Variants in BRCA2 observed in about 807,000 individuals in gnomAD.
The protein encoded by BRCA2 is BRCA2 DNA repair associated.
A neutral mutation model predicts 276.7 loss-of-function variants in BRCA2; 203 were observed. The ratio of observed to expected loss-of-function variants is 0.73; its 90% CI spans 0.65 to 0.82. The LOEUF is 0.82. Ranked by LOEUF, BRCA2 falls within the 40% of genes least tolerant of loss-of-function variation. BRCA2 has a pLI of 0.00. For synonymous variants in BRCA2, 1,289 were observed against 1,338.4 expected, an observed-to-expected ratio of 0.96 and a Z score of 0.81; for missense variants, 3,920 against 3,915.0, an observed-to-expected ratio of 1.00 and a Z score of -0.03.
chr13:32,379,219 AT>A (rs1244539152), intron 21 of BRCA2, 97 bp from the exon 22 acceptor site: 1 of 1,138,496 alleles, frequency 8.8e-7, no homozygotes, highest in Non-Finnish European at 1.3e-6. Flanking sequence ...ATGAGCTCTA[AT>A]TTTGTTGTAT....
intron 14 of BRCA2, 90 bp downstream of exon 14, chr13:32,355,378 G>T (rs2072686274): frequency 6.9e-7 from 1 of 1,439,136 alleles, no homozygotes; most frequent in Middle Eastern, 2.1e-4. Context: ...TCCCCCTTTG[G>T]TGGTGGTAAT....
intron 10 of BRCA2, among the ~76,000 whole-genome samples, chr13:32,333,910 T>G (rs940108809): frequency 3.3e-5 from 5 of 152,224 alleles, no homozygotes; most frequent in Non-Finnish European, 5.9e-5. Flanking sequence ...CTTAGGATAA[T>G]GGCTTCCAGC....
intron 24 of BRCA2, among the ~76,000 whole-genome samples, chr13:32,391,584 T>A (rs2072997397): frequency 6.6e-6 from 1 of 152,256 alleles, no homozygotes; most frequent in African/African-American, 2.4e-5. Context: ...TGGCATCCAC[T>A]CCAGGTGGAA....
intron 7 of BRCA2, among the ~76,000 whole-genome samples, chr13:32,328,487 T>C (rs2072366166): frequency 6.6e-6 from 1 of 152,036 alleles, no homozygotes; most frequent in African/African-American, 2.4e-5. Context: ...AGTGATTCGT[T>C]TGTCTCAGCC....
At chr13:32,379,270 T>A in intron 21 of BRCA2, 47 bp from the exon 22 acceptor site, 1 of 1,602,014 alleles carries the variant, frequency 6.2e-7, no homozygotes, top group Non-Finnish European at 8.5e-7. Context: ...TAGATGGAAC[T>A]TTTTTGTTCT....
rs1280188943 is a variant in BRCA2, at chr13:32,336,281, T to C, written c.1926T>C (p.Ser642=). The C allele has an allele frequency of 1.2e-6, 2 of 1,603,422 alleles. No individual in the cohort carries two copies. Among genetic ancestry groups the C allele is most frequent in the South Asian group, 2.2e-5 (2 of 88,894 alleles). The change falls in exon 11 of 27, where the codon TCT becomes TCC. Residue 642 remains serine, a synonymous_variant. Coordinates refer to ENST00000380152, the MANE Select transcript of BRCA2 (RefSeq NM_000059.4). The part of the protein sequence containing the change: ...ANADSGLLHS[S]VKRSCSQNDS... ...TATGTTTAGGTTTATTGCATTCTTC[T>C]GTGAAAAGAAGCTGTTCACAGAATG... is the stretch of plus-strand genomic sequence containing the variant.
intron 4 of BRCA2, among the ~76,000 whole-genome samples, chr13:32,325,697 T>C (rs113163937): frequency 3.3e-5 from 5 of 151,936 alleles, no homozygotes; most frequent in East Asian, 1.9e-4. Context: ...CCCGCCACCA[T>C]GCCCGGCTAA....
In BRCA2 at chr13:32,370,447, G is replaced by A. The variant is rs80359082; in HGVS notation, c.8377G>A (p.Gly2793Arg). The A allele has an allele frequency of 1.2e-6, 2 of 1,613,808 alleles. No individual in the cohort carries two copies. Among genetic ancestry groups the A allele is most frequent in the Admixed American group, 3.3e-5 (2 of 59,978 alleles). Residue 2793 changes from glycine to arginine, a missense_variant, in exon 19 of 27, where the codon GGA becomes AGA. By Grantham distance (125) the Gly-to-Arg change is moderately radical. This residue lies in a region of BRCA2 where 657 missense variants were observed against 758.2 expected (regional missense o/e 0.87). Transcript: ENST00000380152. ...GCCTGCTCGCTGGTATACCAAACTT[G>A]GATTCTTTCCTGACCCTAGACCTTT... ...TRPARWYTKL[G>R]FFPDPRPFPL...
In BRCA2 at chr13:32,337,379, C is replaced by A. The variant is rs2137492335; in HGVS notation, c.3024C>A (p.Ser1008Arg). Residue 1008 changes from serine (S) to arginine (R), a missense_variant, in exon 11 of 27, where the codon AGC (serine) becomes AGA (arginine). By Grantham distance (110) the Ser-to-Arg change is moderately radical (BLOSUM62 -1). Around this residue, in one of 2 missense-constraint regions of BRCA2, gnomAD observed 3,263 missense variants for 3,156.9 expected, o/e 1.03. Transcript: ENST00000380152. ...TTTCAAATCACAGTTTTGGAGGTAG[C>A]TTCAGAACAGCTTCAAATAAGGAAA... ...GPISNHSFGG[S>R]FRTASNKEIK... The A allele has an allele frequency of 6.2e-7, 1 of 1,613,832 alleles. No individual in the cohort carries two copies. Among genetic ancestry groups the A allele is most frequent in the Non-Finnish European group, 8.5e-7 (1 of 1,179,912 alleles).
chr13:32,389,813 TCA>T (rs2072985046), intron 24 of BRCA2, among the ~76,000 whole-genome samples: 2 of 152,206 alleles, frequency 1.3e-5, no homozygotes. Context: ...TTTCCTTATG[TCA>T]GTCAGTCCTG....
intron 3 of BRCA2, among the ~76,000 whole-genome samples, chr13:32,319,981 T>C (rs2072295895): frequency 1.3e-5 from 2 of 152,212 alleles, no homozygotes; most frequent in African/African-American, 4.8e-5. Flanking sequence ...GTTAGGCAAT[T>C]ATTCCTTTGA....
At chr13:32,390,358 G>C (rs922028589) in intron 24 of BRCA2, among the ~76,000 whole-genome samples, 10 of 152,270 alleles carry the variant, frequency 6.6e-5, no homozygotes, top group African/African-American at 2.4e-4. Context: ...TTGGGAGGCT[G>C]AGGCGGCTCG....
At chr13:32,333,529 TTTAA>T (rs1218719733) in intron 10 of BRCA2, 142 bp downstream of exon 10, 2 of 945,642 alleles carry the variant, frequency 2.1e-6, no homozygotes, top group Admixed American at 2.8e-5. Flanking sequence ...TGTTTAGGTC[TTTAA>T]TTACCAGTGT....
rs587782357 is a variant in BRCA2, at chr13:32,331,007, A to C, written c.770A>C (p.Asn257Thr). 1.2e-6 allele frequency: 2 copies of C among 1,611,978 alleles called. No homozygotes were observed. Among genetic ancestry groups the C allele is most frequent in the Non-Finnish European group, 1.7e-6 (2 of 1,178,176 alleles). Reference sequence around the variant, plus strand: ...TCTGTGACAGACAGTGAAAACACAAATCAAAGAGAAGCTGCAAGTCATGGT... The same window carrying C: ...TCTGTGACAGACAGTGAAAACACAACTCAAAGAGAAGCTGCAAGTCATGGT... ...IASVTDSENTNQREAASHGFG... is the reference protein window; with the variant it reads ...IASVTDSENTTQREAASHGFG... Residue 257 changes from asparagine (N) to threonine (T), a missense_variant, in exon 9 of 27, where the codon AAT becomes ACT. By Grantham distance (65) the Asn-to-Thr change is moderately conservative (BLOSUM62 0). This residue lies in a region of BRCA2 where 3,263 missense variants were observed against 3,156.9 expected (regional missense o/e 1.03). Coordinates refer to ENST00000380152, the MANE Select transcript of BRCA2 (RefSeq NM_000059.4).
At chr13:32,386,484 G>A (rs2072961660) in intron 24 of BRCA2, among the ~76,000 whole-genome samples, 1 of 151,722 alleles carries the variant, frequency 6.6e-6, no homozygotes, top group African/African-American at 2.4e-5. Flanking sequence ...CTGTAATGAT[G>A]TAATTATTGA....
chr13:32,389,447 A>G (rs1440201041), intron 24 of BRCA2, among the ~76,000 whole-genome samples: 1 of 151,896 alleles, frequency 6.6e-6, no homozygotes, highest in African/African-American at 2.4e-5. Flanking sequence ...TGTTTAAACA[A>G]TTTCTTTTAG....
intron 3 of BRCA2, among the ~76,000 whole-genome samples, chr13:32,319,666 G>A (rs1274289522): frequency 6.6e-6 from 1 of 152,176 alleles, no homozygotes; most frequent in Non-Finnish European, 1.5e-5. Flanking sequence ...CTATCACAGA[G>A]GACAGAGATT....
intron 20 of BRCA2, among the ~76,000 whole-genome samples, chr13:32,373,555 A>C (rs1057074650): frequency 6.6e-6 from 1 of 152,190 alleles, no homozygotes; most frequent in Non-Finnish European, 1.5e-5. Context: ...GCCTCAAGTG[A>C]GCCACTGCAC....
chr13:32,321,311 A>G (rs1415755955), intron 3 of BRCA2, among the ~76,000 whole-genome samples: 1 of 152,182 alleles, frequency 6.6e-6, no homozygotes, highest in African/African-American at 2.4e-5. Context: ...TTTGACCTCT[A>G]AGTACTCAGT....
Sources: gnomAD v4.1 joint callset for allele counts (sites outside exome capture counted in the v4.1 genomes callset) on GRCh38, gnomAD v4.1.1 for gene constraint, gnomAD v4.1.1 regional missense constraint, MANE v1.5 for transcripts, NCBI Gene and HGNC (gene_info 2026-07-23, HGNC 2026-07-21) for gene names.